GRM7: variants seen among roughly 807,000 people sequenced by gnomAD.
GRM7 encodes metabotropic glutamate receptor 7.
GRM7 carries 35 observed loss-of-function variants against 84.5 expected under a neutral mutation model. The ratio of observed to expected loss-of-function variants is 0.41; its 90% CI spans 0.32 to 0.55. GRM7 has a LOEUF of 0.55. Among genes scored for constraint, GRM7 ranks in the 20% least tolerant of loss-of-function variants. The pLI is 0.19. For missense variants in GRM7, 1,003 were observed against 1,194.6 expected (o/e 0.84, Z 2.36); for synonymous variants, 487 against 455.1 (o/e 1.07, Z -0.89).
chr3:7,348,811 C>T lies in GRM7; in HGVS notation c.1033+42159C>T, dbSNP rs79480728. Among the ~76,000 whole-genome samples the T allele has an allele frequency of 1.0e-2, 1,515 of 152,162 alleles. 25 individuals are homozygous for T. Among genetic ancestry groups the T allele is most frequent in the African/African-American group, 0.033 (1,374 of 41,528 alleles). ...GTTTGTACAAGCCCTCCAAGTGATC[C>T]GGATGCACACTAAAGTTTAAGAGTT... On this transcript the variant is annotated intron_variant, in intron 4 of 9. Coordinates refer to ENST00000357716, the MANE Select transcript of GRM7 (RefSeq NM_000844.4).
chr3:7,435,851 C>CT (rs34860272), intron 5 of GRM7, among the ~76,000 whole-genome samples: 1,773 of 89,244 alleles, frequency 0.02, 41 homozygotes, highest in Non-Finnish European at 0.027. Flanking sequence ...CCACACCCAT[C>CT]TTTTTTTTTT....
At chr3:7,262,027 T>C (rs1226810265) in intron 2 of GRM7, among the ~76,000 whole-genome samples, 1 of 151,704 alleles carries the variant, frequency 6.6e-6, no homozygotes, top group Non-Finnish European at 1.5e-5. Context: ...GGGTTTCTGC[T>C]GAGAGGTCCA....
intron 1 of GRM7, among the ~76,000 whole-genome samples, chr3:7,144,476 A>G (rs1472893948): frequency 6.6e-6 from 1 of 152,204 alleles, no homozygotes; most frequent in Admixed American, 6.5e-5. Context: ...TTTTATTGCC[A>G]TAGGACAGTG....
chr3:7,527,876 C>T (rs779818216), intron 7 of GRM7, among the ~76,000 whole-genome samples: 31 of 152,024 alleles, frequency 2.0e-4, no homozygotes, highest in Middle Eastern at 3.4e-3. Context: ...AAATAAAGCC[C>T]ACTTTATTGT....
At position 7,301,842 on chromosome 3, in the gene GRM7, G is replaced by A. The variant is rs147979192; in HGVS notation, c.878+3017G>A. 1.1e-3 allele frequency among the ~76,000 whole-genome samples: 169 copies of A among 152,032 alleles called. 1 individual carries two copies. Among genetic ancestry groups the A allele is most frequent in the African/African-American group, 3.9e-3 (163 of 41,462 alleles). Reference sequence around the variant, plus strand: ...ATAATGTTACGTTATTTCTTTCTTCGGAAGATTTACATTGTAGATGGGAAA... The same window carrying A: ...ATAATGTTACGTTATTTCTTTCTTCAGAAGATTTACATTGTAGATGGGAAA... On this transcript the variant is annotated intron_variant, in intron 3 of 9. Transcript: ENST00000357716.
intron 1 of GRM7, among the ~76,000 whole-genome samples, chr3:6,989,287 C>T (rs1450426527): frequency 6.6e-6 from 1 of 152,024 alleles, no homozygotes; most frequent in Non-Finnish European, 1.5e-5. Context: ...TTAGCTAATG[C>T]TATTAGGAAA....
chr3:7,435,364 C>A (rs900262047), intron 5 of GRM7, among the ~76,000 whole-genome samples: 1 of 152,010 alleles, frequency 6.6e-6, no homozygotes, highest in Non-Finnish European at 1.5e-5. Context: ...CGGGTTTTCA[C>A]AGGCTGATCT....
intron 7 of GRM7, among the ~76,000 whole-genome samples, chr3:7,470,094 C>G (rs568223186): frequency 4.4e-4 from 67 of 152,324 alleles, no homozygotes; most frequent in African/African-American, 1.5e-3. Flanking sequence ...TATGTTACAA[C>G]ACATCCCCCT....
intron 4 of GRM7, among the ~76,000 whole-genome samples, chr3:7,368,162 C>T (rs1006350216): frequency 5.3e-5 from 8 of 151,794 alleles, no homozygotes; most frequent in African/African-American, 1.5e-4. Flanking sequence ...CTTATCTGCC[C>T]GGGAGATTGG....
rs114130014 is a variant in GRM7 at position 7,173,081 on chromosome 3, C to T, written c.736+26413C>T. ...TTCTCCATCATCCAGAAAAGGACGCCGAGGTACAGGGACTTGTCCAAGGTC... is the reference window on the plus strand; with the variant it reads ...TTCTCCATCATCCAGAAAAGGACGCTGAGGTACAGGGACTTGTCCAAGGTC... On this transcript the variant is annotated intron_variant, in intron 2 of 9. Coordinates refer to ENST00000357716, the MANE Select transcript of GRM7 (RefSeq NM_000844.4). Among the ~76,000 whole-genome samples the T allele has an allele frequency of 2.3e-3, 351 of 152,118 alleles. 1 individual carries two copies. Among genetic ancestry groups the T allele is most frequent in the Non-Finnish European group, 3.5e-3 (238 of 67,990 alleles).
chr3:7,184,720 A>G (rs1287160081), intron 2 of GRM7, among the ~76,000 whole-genome samples: 2 of 152,128 alleles, frequency 1.3e-5, no homozygotes, highest in African/African-American at 4.8e-5. Flanking sequence ...CTCATAATGA[A>G]TATTTATATA....
chr3:7,683,867 A>G (rs1224601622), intron 9 of GRM7, among the ~76,000 whole-genome samples: 13 of 152,172 alleles, frequency 8.5e-5, no homozygotes, highest in Non-Finnish European at 1.5e-5. Context: ...ATTCTAGGAA[A>G]CTCAATTTGA....
chr3:7,127,773 C>G (rs1693450249), intron 1 of GRM7, among the ~76,000 whole-genome samples: 1 of 151,922 alleles, frequency 6.6e-6, no homozygotes. Flanking sequence ...GATATTTTGC[C>G]TTTTTTTGTT....
rs1436355862 is a variant in GRM7, at chr3:6,950,666, G to A, written c.519+88759G>A. 2.6e-5 allele frequency among the ~76,000 whole-genome samples: 4 copies of A among 152,228 alleles called. No individual in the cohort carries two copies. In the South Asian group the frequency reaches 8.3e-4, roughly 31 times the overall value. ...CCTGCCCCCAGAGGTGGAGCCTACA[G>A]AGGCAGGCAGGCCTCCTTGAGCTGT... On this transcript the variant is annotated intron_variant, in intron 1 of 9. Coordinates refer to ENST00000357716, the MANE Select transcript of GRM7 (RefSeq NM_000844.4).
intron 4 of GRM7, among the ~76,000 whole-genome samples, chr3:7,327,096 A>AATTAAAGT (rs1304110333): frequency 2.0e-5 from 3 of 152,224 alleles, no homozygotes; most frequent in Non-Finnish European, 2.9e-5. Context: ...TTAATTGGTT[A>AATTAAAGT]ATTAAAGTGC....
chr3:7,351,353 A>AAAC (rs1160174686), intron 4 of GRM7, among the ~76,000 whole-genome samples: 4 of 150,944 alleles, frequency 2.6e-5, no homozygotes, highest in African/African-American at 9.8e-5. Flanking sequence ...AAAAAAAAAA[A>AAAC]AAAAAAAAAA....
rs1368104716 is a variant in GRM7, at chr3:7,262,351, CT to C, written c.737-36331del. ...GACTGTCTTATTTCAGAAAGCCAGT[CT>C]TCAAGCTTTGAGATTACTTCTTCAG... On this transcript the variant is annotated intron_variant, in intron 2 of 9. Transcript: ENST00000357716. 9.9e-5 allele frequency among the ~76,000 whole-genome samples: 15 copies of C among 152,254 alleles called. No individual in the cohort carries two copies. The East Asian group carries it at 2.9e-3, about 29-fold the overall frequency.
At chr3:7,033,766 C>T (rs1287400542) in intron 1 of GRM7, among the ~76,000 whole-genome samples, 2 of 152,208 alleles carry the variant, frequency 1.3e-5, no homozygotes, top group South Asian at 2.1e-4. Context: ...TTCAAAATCC[C>T]GCATCCTGGG....
chr3:6,873,114 C>T (rs759886660), intron 1 of GRM7, among the ~76,000 whole-genome samples: 5 of 152,144 alleles, frequency 3.3e-5, no homozygotes, highest in Non-Finnish European at 5.9e-5. Flanking sequence ...TGCTCTGTCA[C>T]GCCCTGGAGT....
Sources: gnomAD v4.1 joint callset for allele counts (sites outside exome capture counted in the v4.1 genomes callset) on GRCh38, gnomAD v4.1.1 for gene constraint, MANE v1.5 for transcripts, NCBI Gene and HGNC (gene_info 2026-07-23, HGNC 2026-07-21) for gene names.